Variants in PTK2 observed in about 807,000 individuals in gnomAD.
The protein encoded by PTK2 is protein tyrosine kinase 2, also known as focal adhesion kinase 1.
In PTK2, 45 loss-of-function variants were observed where a neutral mutation model predicts 150.1. That is an observed-to-expected ratio of 0.30 (90% CI 0.24 to 0.38). The LOEUF (loss-of-function observed/expected upper bound fraction) is 0.38. Among genes scored for constraint, PTK2 ranks in the 10% least tolerant of loss-of-function variants. PTK2 has a pLI of 1.00. For missense variants in PTK2, 919 were observed against 1,307.3 expected, an observed-to-expected ratio of 0.70 and a Z score of 4.58; for synonymous variants, 432 against 449.2, an observed-to-expected ratio of 0.96 and a Z score of 0.48.
At chr8:140,823,339 GTTTATATATA>G (rs1408305297) in intron 8 of PTK2, among the ~76,000 whole-genome samples, 3 of 152,096 alleles carry the variant, frequency 2.0e-5, no homozygotes, top group African/African-American at 7.2e-5. Context: ...CCAGCTGCTG[GTTTATATATA>G]AATTATTGGC....
intron 1 of PTK2, among the ~76,000 whole-genome samples, chr8:140,979,742 C>T (rs1333802544): frequency 6.6e-6 from 1 of 152,108 alleles, no homozygotes; most frequent in Non-Finnish European, 1.5e-5. Flanking sequence ...TCTCGTGATA[C>T]TAAGTTTCAT....
At chr8:140,915,725 G>A (rs989019285) in intron 2 of PTK2, among the ~76,000 whole-genome samples, 5 of 151,556 alleles carry the variant, frequency 3.3e-5, no homozygotes, top group Admixed American at 2.0e-4. Context: ...GATAAAACCC[G>A]TCTCTACTAA....
chr8:140,891,766 A>G (rs1467744672), intron 2 of PTK2, among the ~76,000 whole-genome samples: 3 of 152,212 alleles, frequency 2.0e-5, no homozygotes, highest in African/African-American at 7.2e-5. Context: ...GGAGCCTCTC[A>G]AAACAGTGAA....
At chr8:140,753,000 C>A (rs1028276335) in intron 16 of PTK2, among the ~76,000 whole-genome samples, 2 of 152,164 alleles carry the variant, frequency 1.3e-5, no homozygotes, top group African/African-American at 4.8e-5. Context: ...TAGAAAGATG[C>A]GACTTTTACT....
intron 1 of PTK2, among the ~76,000 whole-genome samples, chr8:140,990,575 C>T (rs2100195331): frequency 6.6e-6 from 1 of 152,066 alleles, no homozygotes; most frequent in Non-Finnish European, 1.5e-5. Context: ...TGTTCCAGGT[C>T]GATTTTCCCA....
At chr8:140,698,780 A>T (rs1378226182) in intron 26 of PTK2, among the ~76,000 whole-genome samples, 2 of 152,120 alleles carry the variant, frequency 1.3e-5, no homozygotes, top group Non-Finnish European at 2.9e-5. Context: ...ACATCTGGCT[A>T]ATTTTTGTAT....
chr8:140,690,971 C>T (rs979817804), intron 26 of PTK2, among the ~76,000 whole-genome samples: 3 of 152,176 alleles, frequency 2.0e-5, no homozygotes, highest in Non-Finnish European at 4.4e-5. Context: ...GTAACCAACA[C>T]ATAGGATTGT....
intron 7 of PTK2, among the ~76,000 whole-genome samples, chr8:140,839,315 A>T (rs1358502159): frequency 6.6e-6 from 1 of 152,182 alleles, no homozygotes; most frequent in Non-Finnish European, 1.5e-5. Flanking sequence ...CAGTGTAAAC[A>T]AAGCCCCCTG....
chr8:140,840,216 G>A (rs1263586342), intron 7 of PTK2, among the ~76,000 whole-genome samples: 1 of 152,062 alleles, frequency 6.6e-6, no homozygotes, highest in African/African-American at 2.4e-5. Context: ...GTGCCACCGC[G>A]CCTGGCTAAT....
At chr8:140,769,639 G>C (rs979796743) in intron 14 of PTK2, 47 bp from the exon 16 acceptor site, 1 of 1,296,412 alleles carries the variant, frequency 7.7e-7, no homozygotes, top group Non-Finnish European at 1.0e-6. Flanking sequence ...GGGAACAGAG[G>C]GAGGGAGACA....
At chr8:140,971,419 G>A (rs2100187236) in intron 1 of PTK2, among the ~76,000 whole-genome samples, 1 of 152,210 alleles carries the variant, frequency 6.6e-6, no homozygotes, top group African/African-American at 2.4e-5. Flanking sequence ...AATAGAAACT[G>A]AGTATCTTGA....
At chr8:140,921,810 T>C (rs2100167573) in intron 2 of PTK2, among the ~76,000 whole-genome samples, 1 of 152,202 alleles carries the variant, frequency 6.6e-6, no homozygotes, top group Non-Finnish European at 1.5e-5. Flanking sequence ...TTACAATCTG[T>C]ACTAGCAACT....
chr8:140,686,808 T>G lies in PTK2; in HGVS notation c.2500-114A>C, dbSNP rs760352663. The G allele has an allele frequency of 7.5e-6, 7 of 927,568 alleles. No homozygotes were observed. The African/African-American group carries it at 1.0e-4, about 13-fold the overall frequency. The allele number at this position is 927,568 out of a possible 1,614,324, so 57.5% of individuals were successfully genotyped here. On this transcript the variant is annotated intron_variant, in intron 26 of 31. Transcript: ENST00000522684. ...ACAATTGTCCTCTGAATAAGAAGAG[T>G]TGAAAGTTCCCCCGTTTCAAAAAAA...
At chr8:140,903,484 G>C (rs536872072) in intron 2 of PTK2, among the ~76,000 whole-genome samples, 1 of 152,094 alleles carries the variant, frequency 6.6e-6, no homozygotes, top group Admixed American at 6.6e-5. Flanking sequence ...TTGGCTATGC[G>C]GGCTCTTTTT....
intron 22 of PTK2, among the ~76,000 whole-genome samples, chr8:140,719,827 A>G (rs1414740218): frequency 4.2e-5 from 6 of 143,808 alleles, no homozygotes; most frequent in African/African-American, 1.1e-4. Flanking sequence ...TGGAGGCTGC[A>G]GTGAGCCAAG....
At chr8:140,909,298 T>C (rs900474820) in intron 2 of PTK2, among the ~76,000 whole-genome samples, 2 of 152,290 alleles carry the variant, frequency 1.3e-5, no homozygotes, top group East Asian at 3.9e-4. Flanking sequence ...AGTGGTTAAG[T>C]ATATCCCTCA....
intron 3 of PTK2, among the ~76,000 whole-genome samples, chr8:140,887,121 G>A (rs1458848031): frequency 6.6e-6 from 1 of 152,162 alleles, no homozygotes; most frequent in Non-Finnish European, 1.5e-5. Flanking sequence ...TTGTCAGTGC[G>A]ATTTTGTAAT....
chr8:140,661,405 T>C (rs2079705159), intron 31 of PTK2, among the ~76,000 whole-genome samples: 6 of 152,124 alleles, frequency 3.9e-5, no homozygotes, highest in South Asian at 2.1e-4. Flanking sequence ...GTGTGGTTGT[T>C]TGCATGTGTG....
intron 14 of PTK2, among the ~76,000 whole-genome samples, chr8:140,771,621 A>G (rs2154558978): frequency 6.6e-6 from 1 of 152,316 alleles, no homozygotes. Context: ...TCATAAAGAA[A>G]GATCAGAAGT....
Sources: allele counts gnomAD v4.1 joint callset (sites outside exome capture counted in the v4.1 genomes callset), GRCh38; gene constraint gnomAD v4.1.1; transcripts MANE v1.5; gene names NCBI Gene and HGNC (gene_info 2026-07-23, HGNC 2026-07-21).